SFI1: variants seen among roughly 807,000 people sequenced by gnomAD.
SFI1 encodes the protein protein SFI1 homolog.
A neutral mutation model predicts 207.5 loss-of-function variants in SFI1; 195 were observed. That is an observed-to-expected ratio of 0.94 (90% CI 0.84 to 1.06). SFI1 has a LOEUF of 1.06. SFI1 is among the 50% of genes least tolerant of loss of function. The probability of loss-of-function intolerance (pLI) is 0.00; values close to 1 mark genes in which losing one functional copy is unlikely to be tolerated. For synonymous variants in SFI1, 630 were observed against 598.9 expected, an observed-to-expected ratio of 1.05 and a Z score of -0.76; for missense variants, 1,634 against 1,588.0, an observed-to-expected ratio of 1.03 and a Z score of -0.49.
intron 8 of SFI1, among the ~76,000 whole-genome samples, chr22:31,564,673 AT>A (rs1339214345): frequency 6.7e-4 from 93 of 139,252 alleles, no homozygotes; most frequent in Middle Eastern, 7.7e-3. Flanking sequence ...CCTGGCTAAT[AT>A]TTTTTTTTTT....
intron 7 of SFI1, among the ~76,000 whole-genome samples, chr22:31,558,794 T>C (rs1190531367): frequency 6.6e-6 from 1 of 151,796 alleles, no homozygotes; most frequent in Non-Finnish European, 1.5e-5. Flanking sequence ...TATTTTTATA[T>C]AATTAATTCA....
intron 7 of SFI1, among the ~76,000 whole-genome samples, chr22:31,558,815 G>A (rs1448867663): frequency 2.0e-5 from 3 of 151,354 alleles, no homozygotes; most frequent in South Asian, 2.1e-4. Context: ...TTTACTCAAC[G>A]TACATTTATT....
intron 1 of SFI1, among the ~76,000 whole-genome samples, chr22:31,500,094 C>T (rs1189037758): frequency 6.7e-6 from 1 of 148,278 alleles, no homozygotes; most frequent in Non-Finnish European, 1.5e-5. Flanking sequence ...CTGAGGTGGG[C>T]GATCACTTGA....
intron 4 of SFI1, among the ~76,000 whole-genome samples, chr22:31,536,110 C>T (rs967701835): frequency 5.3e-5 from 8 of 152,086 alleles, no homozygotes; most frequent in Middle Eastern, 3.4e-3. Flanking sequence ...TTTTTCTACC[C>T]GTGGCTGTTT....
intron 7 of SFI1, among the ~76,000 whole-genome samples, chr22:31,558,532 G>C (rs1048563244): frequency 1.3e-5 from 2 of 150,030 alleles, no homozygotes; most frequent in Non-Finnish European, 3.0e-5. Context: ...GCAGTGGTGT[G>C]ATCTTGGCTC....
Position 31,582,287 on chromosome 22 carries a change from G to A in SFI1, c.1249-1588G>A, listed in dbSNP as rs138135028. ...TTTTTTGAAACCGGGTCTCGCTCTC[G>A]CCCAGGCTGGAGTGCAGTAAGTAGC... On this transcript the variant is annotated intron_variant, in intron 12 of 32. Transcript: ENST00000400288. Among the ~76,000 whole-genome samples, 3 of 107,256 alleles carry A rather than the reference G, an allele frequency of 2.8e-5. No homozygotes were observed. The South Asian group carries it at 1.0e-3, about 37-fold the overall frequency. The allele number at this position is 107,256 out of a possible 152,430, so 70.4% of individuals were successfully genotyped here. A position where few individuals can be genotyped will look rare whatever the true frequency, so the allele number is the denominator to read the frequency against.
chr22:31,537,427 T>C (rs1602321761), intron 4 of SFI1, among the ~76,000 whole-genome samples: 1 of 152,142 alleles, frequency 6.6e-6, no homozygotes, highest in Non-Finnish European at 1.5e-5. Context: ...TGGCAGTGGG[T>C]GTTGGGTTAG....
chr22:31,528,373 G>C (rs552850639), intron 2 of SFI1, among the ~76,000 whole-genome samples: 17 of 152,104 alleles, frequency 1.1e-4, no homozygotes, highest in African/African-American at 4.1e-4. Flanking sequence ...GCAGTGAGCT[G>C]TGGTCATGCC....
chr22:31,597,410 T>C (rs1294393411), intron 15 of SFI1, among the ~76,000 whole-genome samples: 1 of 152,184 alleles, frequency 6.6e-6, no homozygotes, highest in Non-Finnish European at 1.5e-5. Context: ...ATTCCTGTTT[T>C]CCTTGTTCAT....
chr22:31,592,901 T>C (rs1179127842), intron 15 of SFI1, among the ~76,000 whole-genome samples: 1 of 84,678 alleles, frequency 1.2e-5, no homozygotes, highest in African/African-American at 5.3e-5. Context: ...CTGGCCGGGC[T>C]GAGGGGCTCC....
intron 6 of SFI1, among the ~76,000 whole-genome samples, chr22:31,552,915 G>T (rs935378215): frequency 2.6e-5 from 4 of 152,154 alleles, no homozygotes; most frequent in Admixed American, 2.6e-4. Context: ...CTTGGTCATA[G>T]CTCACTGCAG....
At chr22:31,589,644 C>T in intron 15 of SFI1, 67 bp downstream of exon 15, 1 of 1,519,458 alleles carries the variant, frequency 6.6e-7, no homozygotes, top group Non-Finnish European at 8.8e-7. Flanking sequence ...AACCACACAG[C>T]CCATTTGCTG....
chr22:31,577,380 G>A (rs1195130400), intron 10 of SFI1, among the ~76,000 whole-genome samples: 1 of 152,178 alleles, frequency 6.6e-6, no homozygotes, highest in African/African-American at 2.4e-5. Flanking sequence ...GAAGGTAGAT[G>A]CAGGAACCTC....
chr22:31,524,954 C>A (rs1013312314), intron 2 of SFI1, among the ~76,000 whole-genome samples: 1 of 151,882 alleles, frequency 6.6e-6, no homozygotes, highest in African/African-American at 2.4e-5. Flanking sequence ...GCCACCACGC[C>A]CAGCTAATTT....
At chr22:31,500,609 CA>C (rs2053581333) in intron 1 of SFI1, among the ~76,000 whole-genome samples, 1 of 152,040 alleles carries the variant, frequency 6.6e-6, no homozygotes, top group African/African-American at 2.4e-5. Flanking sequence ...AGGCACCTGC[CA>C]CTACACCCAG....
chr22:31,514,060 G>C (rs1285910195), intron 2 of SFI1, among the ~76,000 whole-genome samples: 1 of 151,500 alleles, frequency 6.6e-6, no homozygotes, highest in African/African-American at 2.4e-5. Context: ...CTTGAATCTG[G>C]GAGTTGGAGG....
chr22:31,585,438 A>C (rs1403530888), intron 14 of SFI1, among the ~76,000 whole-genome samples: 1 of 152,184 alleles, frequency 6.6e-6, no homozygotes, highest in Non-Finnish European at 1.5e-5. Flanking sequence ...CCCTTCACCC[A>C]GTGGGACCTG....
intron 8 of SFI1, among the ~76,000 whole-genome samples, chr22:31,568,153 CTCTATA>C (rs1241869046): frequency 8.5e-6 from 1 of 117,200 alleles, no homozygotes; most frequent in Admixed American, 9.5e-5. Flanking sequence ...CTCTCTCTCT[CTCTATA>C]TATATATGTG....
intron 2 of SFI1, among the ~76,000 whole-genome samples, chr22:31,513,812 C>T (rs575783849): frequency 3.6e-4 from 54 of 151,590 alleles, no homozygotes; most frequent in African/African-American, 1.2e-3. Flanking sequence ...AACTCCTGAC[C>T]TCGTGATCCG....
Sources: allele counts gnomAD v4.1 joint callset (sites outside exome capture counted in the v4.1 genomes callset), GRCh38; gene constraint gnomAD v4.1.1; transcripts MANE v1.5; gene names NCBI Gene and HGNC (gene_info 2026-07-23, HGNC 2026-07-21).